CDK19: variants seen among roughly 807,000 people sequenced by gnomAD.
CDK19 encodes cyclin-dependent kinase 19.
CDK19 carries 20 observed loss-of-function variants against 68.3 expected under a neutral mutation model. The observed-to-expected ratio is 0.29, with a 90% CI of 0.21 to 0.43. The LOEUF is 0.43. Ranked by LOEUF, CDK19 falls within the 20% of genes least tolerant of loss-of-function variation. CDK19 has a pLI of 1.00. For missense variants in CDK19, 339 were observed against 623.5 expected (o/e 0.54, Z 4.86); for synonymous variants, 221 against 222.8 (o/e 0.99, Z 0.07).
chr6:110,810,936 G>GTAA lies in CDK19; in HGVS notation c.128+4070_128+4072dup, dbSNP rs1161849568. Reference sequence around the variant, plus strand: ...TTTGGCATGCAAAAAGGTTTATACAGTAAGTTATCAAGACTGGAGGTAAGA... The same window carrying GTAA: ...TTTGGCATGCAAAAAGGTTTATACAGTAATAAGTTATCAAGACTGGAGGTAAGA... On this transcript the variant is annotated intron_variant, in intron 1 of 12. Coordinates refer to ENST00000368911, the MANE Select transcript of CDK19 (RefSeq NM_015076.5). Among the ~76,000 whole-genome samples, 4 of 152,224 alleles carry GTAA rather than the reference G, an allele frequency of 2.6e-5. No individual in the cohort carries two copies. The East Asian group carries it at 7.7e-4, about 29-fold the overall frequency.
intron 2 of CDK19, among the ~76,000 whole-genome samples, chr6:110,721,862 G>A (rs1160782145): frequency 6.6e-6 from 1 of 152,136 alleles, no homozygotes; most frequent in Non-Finnish European, 1.5e-5. Context: ...AACTCGGGAG[G>A]CCGAGGCCGG....
chr6:110,645,145 TAG>T (rs1780470014), intron 4 of CDK19, among the ~76,000 whole-genome samples: 3 of 152,284 alleles, frequency 2.0e-5, no homozygotes, highest in East Asian at 3.9e-4. Context: ...ATCCAGTAAT[TAG>T]AGAGTACACA....
At chr6:110,812,290 C>T (rs191894348) in intron 1 of CDK19, among the ~76,000 whole-genome samples, 61 of 151,968 alleles carry the variant, frequency 4.0e-4, no homozygotes, top group African/African-American at 1.4e-3. Context: ...CCGGCTAATT[C>T]CTTTTGTATT....
intron 2 of CDK19, among the ~76,000 whole-genome samples, chr6:110,728,097 G>C (rs937727692): frequency 1.3e-5 from 2 of 151,984 alleles, no homozygotes; most frequent in African/African-American, 4.8e-5. Context: ...AGACCAGCCT[G>C]AGCAACATGG....
At chr6:110,616,717 C>T (rs1189107561) in intron 12 of CDK19, among the ~76,000 whole-genome samples, 2 of 150,816 alleles carry the variant, frequency 1.3e-5, no homozygotes, top group South Asian at 2.1e-4. Context: ...TCCTAAGTTG[C>T]ACAACTGAAT....
intron 4 of CDK19, among the ~76,000 whole-genome samples, chr6:110,662,658 T>C (rs1321115933): frequency 3.3e-5 from 5 of 152,192 alleles, no homozygotes; most frequent in African/African-American, 1.2e-4. Flanking sequence ...GAAAAAGAGA[T>C]AAACTATATC....
chr6:110,756,775 CTCAGTGAAAT>C (rs1778868727), intron 1 of CDK19, among the ~76,000 whole-genome samples: 1 of 151,938 alleles, frequency 6.6e-6, no homozygotes, highest in Admixed American at 6.6e-5. Flanking sequence ...AAAGTGTTGT[CTCAGTGAAAT>C]TAAGTCCATT....
intron 2 of CDK19, chr6:110,700,621 T>G (rs372149973): frequency 6.6e-6 from 1 of 152,568 alleles, no homozygotes; most frequent in East Asian, 1.9e-4. Context: ...TTCATGGAAT[T>G]AGAATAAAAC....
chr6:110,634,074 A>C (rs747875053), intron 5 of CDK19, among the ~76,000 whole-genome samples: 2 of 152,358 alleles, frequency 1.3e-5, no homozygotes, highest in Admixed American at 6.5e-5. Context: ...AAAATGCATA[A>C]ATGCACATAA....
intron 2 of CDK19, among the ~76,000 whole-genome samples, chr6:110,678,114 T>G (rs527902563): frequency 6.6e-6 from 1 of 152,124 alleles, no homozygotes; most frequent in African/African-American, 2.4e-5. Context: ...TCCCAACATG[T>G]TAGGATTCCA....
chr6:110,815,247 G>GCGCC lies in CDK19; in HGVS notation c.-112_-111insGGCG. On this transcript the variant is annotated 5_prime_UTR_variant, in exon 1 of 13. Transcript: ENST00000368911. ...CTTCTCCAACAGCCGCCTCTCGCGC[G>GCGCC]CGCGCGCGCGCCGCCCGCCGCCCGC... The GCGCC allele has an allele frequency of 8.2e-7, 1 of 1,214,888 alleles. No individual in the cohort carries two copies. The highest frequency in any genetic ancestry group is 1.0e-6 in the Non-Finnish European group (1 of 958,094). 75.3% of individuals were successfully genotyped at this position (1,214,888 alleles called of 1,614,324 possible). A position where few individuals can be genotyped will look rare whatever the true frequency, so the allele number is the denominator to read the frequency against.
intron 2 of CDK19, among the ~76,000 whole-genome samples, chr6:110,682,564 A>G (rs1247826139): frequency 6.6e-6 from 1 of 152,186 alleles, no homozygotes; most frequent in Non-Finnish European, 1.5e-5. Context: ...GTACAGACTA[A>G]CACAGCTCTG....
intron 1 of CDK19, among the ~76,000 whole-genome samples, chr6:110,760,396 CAAAAAAAA>C (rs34613571): frequency 2.5e-5 from 1 of 39,778 alleles, no homozygotes; most frequent in East Asian, 7.3e-4. Flanking sequence ...GGCTTTGTCT[CAAAAAAAA>C]AAAAAAAAAA....
intron 2 of CDK19, among the ~76,000 whole-genome samples, chr6:110,719,972 GCCCCCCCCCCCCCAC>G (rs1263928818): frequency 6.6e-5 from 3 of 45,520 alleles, no homozygotes; most frequent in Non-Finnish European, 1.3e-4. Context: ...CTTGTGATCC[GCCCCCCCCCCCCCAC>G]CCCCCCCCTG....
chr6:110,639,909 T>C (rs1780023870), intron 4 of CDK19, among the ~76,000 whole-genome samples: 1 of 151,986 alleles, frequency 6.6e-6, no homozygotes, highest in Non-Finnish European at 1.5e-5. Context: ...CAGGTATGCA[T>C]AAGACGCAGA....
intron 1 of CDK19, among the ~76,000 whole-genome samples, chr6:110,760,396 C>CAAAAAAAAAAAAAA: frequency 2.5e-5 from 1 of 39,778 alleles, no homozygotes; most frequent in Non-Finnish European, 4.5e-5. Context: ...GGCTTTGTCT[C>CAAAAAAAAAAAAAA]AAAAAAAAAA....
chr6:110,801,331 A>T (rs74806121), intron 1 of CDK19, among the ~76,000 whole-genome samples: 4,260 of 152,070 alleles, frequency 0.028, 83 homozygotes, highest in South Asian at 0.084. Context: ...CAAAAAATTT[A>T]AAAAGTAGCC....
intron 4 of CDK19, chr6:110,646,655 C>A: frequency 1.9e-6 from 1 of 517,042 alleles, no homozygotes; most frequent in South Asian, 4.1e-5. Flanking sequence ...CTCCCTTTTC[C>A]CTTTGGCTTT....
At chr6:110,708,826 T>C (rs1424995858) in intron 2 of CDK19, among the ~76,000 whole-genome samples, 5 of 152,252 alleles carry the variant, frequency 3.3e-5, no homozygotes, top group African/African-American at 4.8e-5. Context: ...TTAAAGCTTA[T>C]AGGCATTTCA....
Sources: allele counts gnomAD v4.1 joint callset (sites outside exome capture counted in the v4.1 genomes callset), GRCh38; gene constraint gnomAD v4.1.1; transcripts MANE v1.5; gene names NCBI Gene and HGNC (gene_info 2026-07-23, HGNC 2026-07-21).